The following JHY variants were observed in gnomAD, a reference collection of about 807,000 sequenced individuals.
The protein encoded by JHY is junctional cadherin complex regulator.
In JHY, 69 loss-of-function variants were observed where a neutral mutation model predicts 78.0. That is an observed-to-expected ratio of 0.88 (90% CI 0.73 to 1.08). The LOEUF (loss-of-function observed/expected upper bound fraction) is 1.08. Among genes scored for constraint, JHY ranks in the 50% least tolerant of loss-of-function variants. The probability of loss-of-function intolerance (pLI) is 0.00; values close to 1 mark genes in which losing one functional copy is unlikely to be tolerated. For missense variants in JHY, 944 were observed against 927.8 expected (o/e 1.02, Z -0.23); for synonymous variants, 368 against 342.6 (o/e 1.07, Z -0.82).
At chr11:122,932,821 C>CA (rs768754597) in intron 4 of JHY, among the ~76,000 whole-genome samples, 8 of 152,112 alleles carry the variant, frequency 5.3e-5, no homozygotes, top group Non-Finnish European at 8.8e-5. Flanking sequence ...CCATGCAGCT[C>CA]AATTTACTGC....
At chr11:122,896,342 CAAAA>C (rs11370911) in intron 2 of JHY, among the ~76,000 whole-genome samples, 7 of 73,406 alleles carry the variant, frequency 9.5e-5, no homozygotes, top group East Asian at 8.5e-4. Context: ...GACTCTGTCT[CAAAA>C]AAAAAAAAAA....
chr11:122,918,949 G>A (rs923815694), intron 3 of JHY, among the ~76,000 whole-genome samples: 2 of 152,148 alleles, frequency 1.3e-5, no homozygotes, highest in Non-Finnish European at 2.9e-5. Flanking sequence ...AGAGTACTAA[G>A]GCCATGCGCT....
intron 3 of JHY, among the ~76,000 whole-genome samples, chr11:122,914,062 GTCT>G (rs1316716227): frequency 6.6e-6 from 1 of 152,142 alleles, no homozygotes; most frequent in Admixed American, 6.5e-5. Flanking sequence ...CTCTTACTGA[GTCT>G]TCTTCTTCCT....
chr11:122,947,408 G>T (rs183153292), intron 6 of JHY: 2 of 152,176 alleles, frequency 1.3e-5, no homozygotes, highest in Non-Finnish European at 2.9e-5. Context: ...GCACCTTTGC[G>T]CACTTCAGTC....
Position 122,904,186 on chromosome 11 carries a change from T to A in JHY, c.606T>A (p.His202Gln). The change falls in exon 3 of 9, where the codon CAT becomes CAA. Residue 202 changes from histidine (H) to glutamine (Q), a missense_variant. His to Gln is a conservative substitution (Grantham distance 24). Transcript: ENST00000227349. ...GSEFLSPNYE[H>Q]GARRSKPFSE... is the part of the protein sequence containing the mutation. Reference sequence around the variant, plus strand: ...AATTTTTAAGCCCAAACTATGAGCATGGTGCCCGTCGCAGCAAGCCGTTTT... The same window carrying A: ...AATTTTTAAGCCCAAACTATGAGCAAGGTGCCCGTCGCAGCAAGCCGTTTT... 6.2e-7 allele frequency: 1 copy of A among 1,614,186 alleles called. No individual in the cohort carries two copies. Among genetic ancestry groups the A allele is most frequent in the South Asian group, 1.1e-5 (1 of 91,084 alleles).
chr11:122,894,404 C>A (rs1862693358), intron 2 of JHY, among the ~76,000 whole-genome samples: 1 of 152,086 alleles, frequency 6.6e-6, no homozygotes, highest in African/African-American at 2.4e-5. Context: ...AGCACCTGTG[C>A]ACATTTTATA....
intron 5 of JHY, among the ~76,000 whole-genome samples, chr11:122,938,954 GAGA>G (rs1194273661): frequency 6.6e-6 from 1 of 151,668 alleles, no homozygotes; most frequent in African/African-American, 2.4e-5. Flanking sequence ...GCACAAAATG[GAGA>G]AGATGATCTG....
chr11:122,941,920 G>A (rs1346509281), intron 5 of JHY, among the ~76,000 whole-genome samples: 1 of 152,012 alleles, frequency 6.6e-6, no homozygotes, highest in African/African-American at 2.4e-5. Flanking sequence ...CACCCAGGCT[G>A]GAGTGTGGTG....
chr11:122,889,331 T>TG (rs1470145649), intron 2 of JHY, among the ~76,000 whole-genome samples: 1 of 15,476 alleles, frequency 6.5e-5, no homozygotes, highest in Non-Finnish European at 2.2e-4. Flanking sequence ...TCCGTATCCA[T>TG]GGTTTCGCAT....
chr11:122,900,467 G>T (rs1862826894), intron 2 of JHY, among the ~76,000 whole-genome samples: 1 of 135,964 alleles, frequency 7.4e-6, no homozygotes, highest in African/African-American at 2.7e-5. Context: ...CTCCCATTTA[G>T]CTTTTGAAGA....
intron 6 of JHY, 132 bp downstream of exon 6, chr11:122,946,924 A>G: frequency 9.1e-7 from 1 of 1,097,380 alleles, no homozygotes; most frequent in Non-Finnish European, 1.3e-6. Context: ...CCAGAGTCCT[A>G]AGGAGTTTCT....
At chr11:122,922,128 CAGA>C (rs1394872115) in intron 3 of JHY, among the ~76,000 whole-genome samples, 2 of 152,178 alleles carry the variant, frequency 1.3e-5, no homozygotes, top group Admixed American at 1.3e-4. Flanking sequence ...TATTTGTAAT[CAGA>C]AGAATTTCAT....
intron 7 of JHY, 96 bp from the exon 8 acceptor site, chr11:122,957,267 T>TA: frequency 7.5e-7 from 1 of 1,341,938 alleles, no homozygotes. Flanking sequence ...GCTGATAAGA[T>TA]ACGCCCAGTA....
At chr11:122,956,441 A>T (rs1245278905) in intron 6 of JHY, 55 bp from the exon 7 acceptor site, 5 of 1,494,488 alleles carry the variant, frequency 3.3e-6, no homozygotes, top group Non-Finnish European at 4.6e-6. Context: ...GGGTGTTAGG[A>T]GTCGGGGGAC....
At chr11:122,940,851 ATC>A (rs148417854) in intron 5 of JHY, among the ~76,000 whole-genome samples, 13 of 138,990 alleles carry the variant, frequency 9.4e-5, no homozygotes, top group South Asian at 2.3e-4. Context: ...TTCCTTCTTT[ATC>A]TCTCTCTCTC....
In JHY at chr11:122,935,161, G is replaced by A. The variant is rs559326990; in HGVS notation, c.1634+86G>A. The A allele has an allele frequency of 1.6e-6, 2 of 1,249,234 alleles. No homozygotes were observed. The highest frequency in any genetic ancestry group is 4.9e-5 in the East Asian group (2 of 40,768). The allele number at this position is 1,249,234 out of a possible 1,614,324, so 77.4% of individuals were successfully genotyped here. Reference sequence around the variant, plus strand: ...GACGGGAGAGGAAGAAGGGGAAGGGGAATCCATAAGGTGGCTAGGTGAGAA... The same window carrying A: ...GACGGGAGAGGAAGAAGGGGAAGGGAAATCCATAAGGTGGCTAGGTGAGAA... On this transcript the variant is annotated intron_variant, in intron 5 of 8. Coordinates refer to ENST00000227349, the MANE Select transcript of JHY (RefSeq NM_024806.4). The surrounding 1 kb of genome is among the most constrained non-coding windows in gnomAD (Gnocchi z 4.5).
chr11:122,904,469 T>G, intron 3 of JHY, 25 bp downstream of exon 3: 1 of 1,579,770 alleles, frequency 6.3e-7, no homozygotes, highest in Non-Finnish European at 8.6e-7. Context: ...CTTTAAAATG[T>G]CTTCTGAAAC....
intron 6 of JHY, among the ~76,000 whole-genome samples, chr11:122,949,614 G>C (rs957587268): frequency 2.0e-5 from 3 of 152,058 alleles, no homozygotes; most frequent in African/African-American, 7.2e-5. Context: ...CGGGTCTTCA[G>C]CTCACAACCC....
chr11:122,895,529 T>G (rs1862721923), intron 2 of JHY, among the ~76,000 whole-genome samples: 1 of 152,236 alleles, frequency 6.6e-6, no homozygotes, highest in African/African-American at 2.4e-5. Context: ...GGTTTGAAGT[T>G]ATCACAATAA....
Sources: gnomAD v4.1 joint callset for allele counts (sites outside exome capture counted in the v4.1 genomes callset) on GRCh38, gnomAD v4.1.1 for gene constraint, Gnocchi (gnomAD v3.1) non-coding constraint, MANE v1.5 for transcripts, NCBI Gene and HGNC (gene_info 2026-07-23, HGNC 2026-07-21) for gene names.